The following EFCAB3 variants were observed in gnomAD, a reference collection of about 807,000 sequenced individuals.
The protein encoded by EFCAB3 is EF-hand calcium binding domain 3.
Under a neutral mutation model 42.2 loss-of-function variants are expected in EFCAB3, and 36 were observed. That is an observed-to-expected ratio of 0.85 (90% confidence interval 0.65 to 1.13). The LOEUF (loss-of-function observed/expected upper bound fraction) is 1.13. EFCAB3 is among the 50% of genes most tolerant of loss of function. The pLI is 0.00. For missense variants in EFCAB3, 418 were observed against 505.1 expected (o/e 0.83, Z 1.65); for synonymous variants, 170 against 172.8 (o/e 0.98, Z 0.13).
At chr17:62,414,031 G>T (rs1173384779) in intron 9 of EFCAB3, among the ~76,000 whole-genome samples, 177 bp downstream of exon 9, 1 of 152,132 alleles carries the variant, frequency 6.6e-6, no homozygotes, top group Non-Finnish European at 1.5e-5. Flanking sequence ...ATAATCAAAT[G>T]GATTCAAATG....
At chr17:62,382,634 T>C (rs1018878918) in intron 1 of EFCAB3, among the ~76,000 whole-genome samples, 2 of 152,254 alleles carry the variant, frequency 1.3e-5, no homozygotes, top group African/African-American at 4.8e-5. Context: ...TAAACTATTT[T>C]AGATTATACA....
At chr17:62,398,085 G>A in intron 6 of EFCAB3, 1 of 314,892 alleles carries the variant, frequency 3.2e-6, no homozygotes, top group Non-Finnish European at 6.1e-6. Context: ...TTGTCAAAGT[G>A]CCCAATGTCT....
At chr17:62,384,352 C>T (rs2070229841) in intron 2 of EFCAB3, among the ~76,000 whole-genome samples, 1 of 152,100 alleles carries the variant, frequency 6.6e-6, no homozygotes, top group South Asian at 2.1e-4. Flanking sequence ...TTTACATTGC[C>T]TGGCCTAGCA....
chr17:62,378,134 C>T, upstream of EFCAB3: 1 of 839,990 alleles, frequency 1.2e-6, no homozygotes. Flanking sequence ...TATCCTCCAT[C>T]TACTTGTCCA....
At chr17:62,414,741 T>C (rs190959358) in intron 9 of EFCAB3, among the ~76,000 whole-genome samples, 1 of 152,306 alleles carries the variant, frequency 6.6e-6, no homozygotes, top group East Asian at 1.9e-4. Context: ...GGAGCTATCC[T>C]TAACTCGGGT....
At chr17:62,377,865 T>TC (rs1464265617), upstream of EFCAB3, 1 of 875,150 alleles carries the variant, frequency 1.1e-6, no homozygotes. Flanking sequence ...TCTTAATTTT[T>TC]TCACTCATCT....
intron 8 of EFCAB3, among the ~76,000 whole-genome samples, chr17:62,408,029 C>T (rs530464970): frequency 6.6e-6 from 1 of 152,262 alleles, no homozygotes; most frequent in Non-Finnish European, 1.5e-5. Flanking sequence ...CACCCACAGG[C>T]AAATATCATT....
intron 8 of EFCAB3, among the ~76,000 whole-genome samples, chr17:62,410,552 G>A (rs1291875279): frequency 1.3e-5 from 2 of 151,950 alleles, no homozygotes; most frequent in Admixed American, 6.6e-5. Context: ...CGAGGAATTC[G>A]AGACCAGCCT....
chr17:62,375,159 T>G (rs751103534), intron 2 of EFCAB3, among the ~76,000 whole-genome samples: 7 of 152,182 alleles, frequency 4.6e-5, no homozygotes, highest in Non-Finnish European at 1.0e-4. Context: ...TTAAGGTATA[T>G]TATGCAAGTA....
chr17:62,414,222 C>G (rs2070524578), intron 9 of EFCAB3, among the ~76,000 whole-genome samples: 1 of 152,132 alleles, frequency 6.6e-6, no homozygotes, highest in South Asian at 2.1e-4. Context: ...GGCCTCTAGC[C>G]CTGGGACACC....
At chr17:62,373,789 G>C in intron 1 of EFCAB3, 3 of 1,417,672 alleles carry the variant, frequency 2.1e-6, no homozygotes, top group Non-Finnish European at 2.9e-6. Flanking sequence ...GACTGCCTCT[G>C]TATCTAAACC....
upstream of EFCAB3, among the ~76,000 whole-genome samples, chr17:62,376,221 TCAG>T (rs1229216016): frequency 1.3e-5 from 2 of 152,130 alleles, no homozygotes; most frequent in African/African-American, 2.4e-5. Flanking sequence ...GCCTGTAATC[TCAG>T]CACTTTGGGA....
rs1445731006 is a variant in EFCAB3, at chr17:62,405,666, T to C, written c.489-814T>C. The stretch of plus-strand genomic sequence containing the variant: ...AAGCTGATCACCACAGTCACTGATA[T>C]TCGAGGCATGCATGTTTGTAAGTCA... On this transcript the variant is annotated intron_variant, in intron 6 of 9. Coordinates refer to ENST00000305286, the MANE Select transcript of EFCAB3 (RefSeq NM_173503.4). Among the ~76,000 whole-genome samples, 10 of 152,318 alleles carry C rather than the reference T, an allele frequency of 6.6e-5. No homozygotes were observed. The East Asian group carries it at 1.7e-3, about 26-fold the overall frequency.
intron 5 of EFCAB3, among the ~76,000 whole-genome samples, chr17:62,394,522 C>A (rs2144084167): frequency 6.6e-6 from 1 of 152,174 alleles, no homozygotes; most frequent in African/African-American, 2.4e-5. Flanking sequence ...TCTATTATTT[C>A]TCCCCCAAGG....
intron 6 of EFCAB3, among the ~76,000 whole-genome samples, chr17:62,398,976 T>C (rs2070378065): frequency 6.6e-6 from 1 of 152,094 alleles, no homozygotes; most frequent in Non-Finnish European, 1.5e-5. Flanking sequence ...CATCAGTTTT[T>C]CCCTGGCTAA....
chr17:62,391,141 C>T (rs889439105), intron 3 of EFCAB3, among the ~76,000 whole-genome samples: 7 of 152,102 alleles, frequency 4.6e-5, no homozygotes, highest in African/African-American at 1.7e-4. Context: ...CAGCTGGTTT[C>T]TCTTCTCTGT....
At chr17:62,372,225 C>T (rs1218128218) in intron 1 of EFCAB3, among the ~76,000 whole-genome samples, 1 of 137,344 alleles carries the variant, frequency 7.3e-6, no homozygotes, top group African/African-American at 3.2e-5. Flanking sequence ...TTCATTTCTT[C>T]CTTTTTTGCC....
chr17:62,398,081 A>G, intron 6 of EFCAB3: 1 of 331,548 alleles, frequency 3.0e-6, no homozygotes, highest in Non-Finnish European at 5.9e-6. Context: ...AAGGTTGTCA[A>G]AGTGCCCAAT....
intron 3 of EFCAB3, among the ~76,000 whole-genome samples, 192 bp downstream of exon 3, chr17:62,387,608 G>A (rs1399698405): frequency 6.6e-6 from 1 of 152,142 alleles, no homozygotes; most frequent in African/African-American, 2.4e-5. Flanking sequence ...TAGAATTTAG[G>A]CAGTGCTGGT....
Sources: gnomAD v4.1 joint callset for allele counts (sites outside exome capture counted in the v4.1 genomes callset) on GRCh38, gnomAD v4.1.1 for gene constraint, MANE v1.5 for transcripts, NCBI Gene and HGNC (gene_info 2026-07-23, HGNC 2026-07-21) for gene names.